Variants in ATG7 observed in about 807,000 individuals in gnomAD.
The protein encoded by ATG7 is ubiquitin-like modifier-activating enzyme ATG7.
Under a neutral mutation model 82.4 loss-of-function variants are expected in ATG7, and 70 were observed. That is an observed-to-expected ratio of 0.85 (90% confidence interval 0.70 to 1.04). ATG7 has a LOEUF of 1.04. Among genes scored for constraint, ATG7 ranks in the 50% least tolerant of loss-of-function variants. The probability of loss-of-function intolerance (pLI) is 0.00; values close to 1 mark genes in which losing one functional copy is unlikely to be tolerated. For synonymous variants in ATG7, 287 were observed against 313.0 expected (o/e 0.92, Z 0.88); for missense variants, 792 against 864.3 (o/e 0.92, Z 1.05).
At chr3:11,400,183 T>C (rs2079694596) in intron 19 of ATG7, among the ~76,000 whole-genome samples, 1 of 152,156 alleles carries the variant, frequency 6.6e-6, no homozygotes, top group South Asian at 2.1e-4. Flanking sequence ...TTCCAATTAG[T>C]AGAGGTAACC....
At chr3:11,394,341 A>T (rs188178511) in intron 19 of ATG7, among the ~76,000 whole-genome samples, 3 of 152,364 alleles carry the variant, frequency 2.0e-5, no homozygotes, top group African/African-American at 7.2e-5. Flanking sequence ...CAGCTCTCTT[A>T]CTGAAGTCAC....
intron 20 of ATG7, among the ~76,000 whole-genome samples, chr3:11,462,082 A>G (rs901918091): frequency 1.3e-5 from 2 of 152,022 alleles, no homozygotes; most frequent in Non-Finnish European, 2.9e-5. Flanking sequence ...ACAACTCCAA[A>G]TAACTCGAGG....
chr3:11,561,915 T>TTTTG (rs1553719588), downstream of ATG7, among the ~76,000 whole-genome samples: 1 of 149,754 alleles, frequency 6.7e-6, no homozygotes, highest in Non-Finnish European at 1.5e-5. Flanking sequence ...TTTTTTTTTT[T>TTTTG]TAAAGACAAA....
Position 11,512,103 on chromosome 3 carries a change from G to A in ATG7, c.2080-42708G>A, listed in dbSNP as rs181590233. On this transcript the variant is annotated intron_variant, in intron 20 of 20. Transcript: ENST00000693202. ...GCCACCAAAGTGGGAGCCCAGGCAG[G>A]GGAGGTGCCAAGAGCAAGCGAGGGC... is the stretch of plus-strand genomic sequence containing the variant. Among the ~76,000 whole-genome samples the A allele has an allele frequency of 9.2e-5, 14 of 152,302 alleles. No homozygotes were observed. The East Asian group carries it at 2.1e-3, about 23-fold the overall frequency.
intron 9 of ATG7, 136 bp from the exon 10 acceptor site, chr3:11,331,204 C>G (rs1047305387): frequency 5.5e-6 from 4 of 728,416 alleles, no homozygotes; most frequent in Non-Finnish European, 9.5e-6. Context: ...TTCTCCTCCC[C>G]TTAGCCCTTT....
chr3:11,417,805 A>ATTATTTTTTTTTTTTTTT (rs1559578331), intron 19 of ATG7, among the ~76,000 whole-genome samples: 5 of 52,742 alleles, frequency 9.5e-5, no homozygotes, highest in Non-Finnish European at 1.7e-4. Flanking sequence ...TTATTATTTT[A>ATTATTTTTTTTTTTTTTT]TTTTATTTTA....
In ATG7 at chr3:11,494,086, C is replaced by T. The variant is rs566949189; in HGVS notation, c.2080-60725C>T. On this transcript the variant is annotated intron_variant, in intron 20 of 20. Coordinates refer to ENST00000693202, the MANE Select transcript of ATG7 (RefSeq NM_001349232.2). ...AGTCTGGGTCCTGCTGCTTGCCACA[C>T]AGAAAGCCAATCACTGAGACAATGA... 7.2e-5 allele frequency among the ~76,000 whole-genome samples: 11 copies of T among 152,338 alleles called. No homozygotes were observed. In the East Asian group the frequency reaches 2.1e-3, roughly 29 times the overall value.
At chr3:11,534,853 T>G (rs1010925115) in intron 20 of ATG7, among the ~76,000 whole-genome samples, 10 of 152,338 alleles carry the variant, frequency 6.6e-5, no homozygotes, top group Admixed American at 2.6e-4. Context: ...AGCTCAGCTC[T>G]TCTTCCCCAG....
intron 15 of ATG7, 23 bp downstream of exon 15, chr3:11,358,635 A>C: frequency 6.2e-7 from 1 of 1,605,140 alleles, no homozygotes; most frequent in South Asian, 1.1e-5. Flanking sequence ...TCTAATTATG[A>C]TTTATGATTT....
intron 20 of ATG7, among the ~76,000 whole-genome samples, chr3:11,529,937 C>T (rs1383314411): frequency 1.3e-5 from 2 of 152,222 alleles, no homozygotes; most frequent in African/African-American, 4.8e-5. Context: ...CACCACCATC[C>T]TCTTGCCCAG....
chr3:11,425,295 A>G (rs2082272461), intron 19 of ATG7, among the ~76,000 whole-genome samples: 1 of 152,192 alleles, frequency 6.6e-6, no homozygotes, highest in African/African-American at 2.4e-5. Context: ...TCCTTACAAC[A>G]TAAGTCTTTG....
intron 4 of ATG7, 47 bp from the exon 5 acceptor site, chr3:11,299,315 T>G: frequency 6.4e-7 from 1 of 1,555,018 alleles, no homozygotes; most frequent in African/African-American, 1.4e-5. Context: ...TTATGAACGC[T>G]GCTATTTCTG....
At chr3:11,520,784 CTTCA>C (rs1478470399) in intron 20 of ATG7, among the ~76,000 whole-genome samples, 1 of 152,154 alleles carries the variant, frequency 6.6e-6, no homozygotes, top group Non-Finnish European at 1.5e-5. Context: ...ATTTCTCTTT[CTTCA>C]TTATGTCAGC....
rs141844869 is a variant in ATG7, at chr3:11,389,059, C to T, written c.1956+9007C>T. The stretch of plus-strand genomic sequence containing the variant: ...GGTCAGGAGTTCAAGACCAGCCTGG[C>T]CAACATGGCGAAACCCTGTCTCTAC... On this transcript the variant is annotated intron_variant, in intron 19 of 20. Transcript: ENST00000693202. 2.1e-3 allele frequency among the ~76,000 whole-genome samples: 321 copies of T among 151,924 alleles called. 1 individual carries two copies. The highest frequency in any genetic ancestry group is 6.8e-3 in the African/African-American group (282 of 41,458).
intron 20 of ATG7, among the ~76,000 whole-genome samples, chr3:11,542,486 T>C (rs1427746614): frequency 6.6e-6 from 1 of 152,162 alleles, no homozygotes; most frequent in Non-Finnish European, 1.5e-5. Context: ...TTCTTAGCAC[T>C]TCCTGGGAGG....
At chr3:11,453,655 T>C (rs1032970492) in intron 20 of ATG7, among the ~76,000 whole-genome samples, 1 of 152,148 alleles carries the variant, frequency 6.6e-6, no homozygotes, top group Non-Finnish European at 1.5e-5. Context: ...ACAAATAATC[T>C]CTCTTGGAGT....
intron 20 of ATG7, among the ~76,000 whole-genome samples, chr3:11,453,609 C>T (rs1018113377): frequency 3.3e-5 from 5 of 152,144 alleles, no homozygotes; most frequent in Admixed American, 2.6e-4. Flanking sequence ...CTATGTGGGG[C>T]GACATCATTT....
chr3:11,340,579 G>T, intron 11 of ATG7, 66 bp from the exon 12 acceptor site: 2 of 1,414,018 alleles, frequency 1.4e-6, no homozygotes, highest in Non-Finnish European at 2.0e-6. Context: ...ATGTAAGGTC[G>T]TTGCTTGATC....
At chr3:11,339,422 T>G (rs1953149230) in intron 11 of ATG7, among the ~76,000 whole-genome samples, 1 of 152,154 alleles carries the variant, frequency 6.6e-6, no homozygotes, top group Non-Finnish European at 1.5e-5. Context: ...AGTCTGTTGC[T>G]TAAGGCAGAC....
Sources: allele counts gnomAD v4.1 joint callset (sites outside exome capture counted in the v4.1 genomes callset), GRCh38; gene constraint gnomAD v4.1.1; transcripts MANE v1.5; gene names NCBI Gene and HGNC (gene_info 2026-07-23, HGNC 2026-07-21).